TCF4: variants seen among roughly 807,000 people sequenced by gnomAD.
TCF4 encodes SL3-3 enhancer factor 2.
A neutral mutation model predicts 82.1 loss-of-function variants in TCF4; 3 were observed. The ratio of observed to expected loss-of-function variants is 0.04; its 90% CI spans 0.02 to 0.09. The LOEUF (loss-of-function observed/expected upper bound fraction) is 0.09, where lower values mean the gene tolerates loss of function less well. Among genes scored for constraint, TCF4 ranks in the 10% least tolerant of loss-of-function variants. TCF4 has a pLI of 1.00. For synonymous variants in TCF4, 276 were observed against 309.6 expected, an observed-to-expected ratio of 0.89 and a Z score of 1.14; for missense variants, 518 against 852.7, an observed-to-expected ratio of 0.61 and a Z score of 4.89.
intron 5 of TCF4, among the ~76,000 whole-genome samples, chr18:55,432,716 G>A (rs1444092618): frequency 5.9e-5 from 9 of 152,212 alleles, no homozygotes; most frequent in Non-Finnish European, 1.3e-4. Context: ...TTGCTTCTAA[G>A]TGCTTTCCTA....
chr18:55,612,834 G>A (rs996511903), intron 2 of TCF4, among the ~76,000 whole-genome samples: 5 of 152,102 alleles, frequency 3.3e-5, no homozygotes, highest in Non-Finnish European at 7.3e-5. Flanking sequence ...TGTAATCCCA[G>A]CTACTAGGGA....
At chr18:55,253,046 G>A (rs1156345667) in intron 15 of TCF4, among the ~76,000 whole-genome samples, 1 of 152,004 alleles carries the variant, frequency 6.6e-6, no homozygotes, top group East Asian at 1.9e-4. Context: ...GAGGTCAAGG[G>A]AAAGAAAAAA....
upstream of TCF4, among the ~76,000 whole-genome samples, chr18:55,592,970 C>G (rs949439088): frequency 1.3e-5 from 2 of 152,168 alleles, no homozygotes; most frequent in African/African-American, 2.4e-5. Flanking sequence ...TGCAATGTTC[C>G]CCTTCCCCAG....
At chr18:55,541,669 C>A (rs1206216516) in intron 3 of TCF4, among the ~76,000 whole-genome samples, 1 of 151,894 alleles carries the variant, frequency 6.6e-6, no homozygotes, top group East Asian at 1.9e-4. Flanking sequence ...AGAACCTTTG[C>A]TACAAAACTG....
intron 3 of TCF4, among the ~76,000 whole-genome samples, chr18:55,582,539 C>A (rs1164773575): frequency 6.6e-6 from 1 of 152,102 alleles, no homozygotes; most frequent in Non-Finnish European, 1.5e-5. Flanking sequence ...GGCTGTAGCT[C>A]AGGTTACATT....
intron 2 of TCF4, among the ~76,000 whole-genome samples, chr18:55,625,288 G>A (rs920032408): frequency 9.9e-5 from 15 of 151,100 alleles, no homozygotes; most frequent in Non-Finnish European, 1.5e-4. Context: ...GCCCAGGCTG[G>A]AGTGCAGTGG....
intron 5 of TCF4, among the ~76,000 whole-genome samples, chr18:55,427,235 C>T (rs1191137226): frequency 6.6e-6 from 1 of 152,048 alleles, no homozygotes; most frequent in African/African-American, 2.4e-5. Flanking sequence ...ATACTCCATT[C>T]CTTAAAGAAG....
chr18:55,525,985 C>T (rs2096979464), intron 3 of TCF4, among the ~76,000 whole-genome samples: 1 of 152,208 alleles, frequency 6.6e-6, no homozygotes, highest in African/African-American at 2.4e-5. Context: ...CTTGAGCTGC[C>T]AGTCTCTATT....
chr18:55,361,110 T>C (rs1261945140), intron 6 of TCF4, among the ~76,000 whole-genome samples: 1 of 152,174 alleles, frequency 6.6e-6, no homozygotes, highest in Non-Finnish European at 1.5e-5. Context: ...ATGAGATTTA[T>C]GGATGCTATC....
intron 3 of TCF4, among the ~76,000 whole-genome samples, chr18:55,540,930 C>T (rs2097160014): frequency 6.6e-6 from 1 of 151,772 alleles, no homozygotes; most frequent in South Asian, 2.1e-4. Context: ...GAAAAATATA[C>T]AACAAAACAA....
intron 3 of TCF4, among the ~76,000 whole-genome samples, chr18:55,543,010 C>T (rs1327314305): frequency 6.6e-6 from 1 of 152,038 alleles, no homozygotes; most frequent in Non-Finnish European, 1.5e-5. Context: ...CATATATTCT[C>T]CTTTTAGATC....
Position 55,458,859 on chromosome 18 carries a change from C to T in TCF4, c.304+2160G>A, listed in dbSNP as rs1342499333. 2.6e-5 allele frequency among the ~76,000 whole-genome samples: 4 copies of T among 152,108 alleles called. No homozygotes were observed. In the East Asian group the frequency reaches 5.8e-4, roughly 22 times the overall value. ...TTTTCCATTTTTTTTGCATACCGCG[C>T]AATACCCTCTCGCTCTGAGGGTGAC... On this transcript the variant is annotated intron_variant, in intron 5 of 19. Coordinates refer to ENST00000354452, the MANE Select transcript of TCF4 (RefSeq NM_001083962.2).
At chr18:55,499,426 G>A (rs1284538072) in intron 3 of TCF4, among the ~76,000 whole-genome samples, 1 of 152,158 alleles carries the variant, frequency 6.6e-6, no homozygotes, top group African/African-American at 2.4e-5. Flanking sequence ...GTGTGGCTAG[G>A]GAGGCACAGT....
At chr18:55,293,337 A>C (rs1391762429) in intron 8 of TCF4, among the ~76,000 whole-genome samples, 1 of 152,172 alleles carries the variant, frequency 6.6e-6, no homozygotes, top group Non-Finnish European at 1.5e-5. Flanking sequence ...AGCTATTATT[A>C]GGAGAGGAGG....
At chr18:55,364,432 C>T (rs77352852) in intron 6 of TCF4, among the ~76,000 whole-genome samples, 1 of 152,186 alleles carries the variant, frequency 6.6e-6, no homozygotes, top group African/African-American at 2.4e-5. Context: ...TTTAACCATT[C>T]CCTACAATTC....
intron 3 of TCF4, among the ~76,000 whole-genome samples, chr18:55,548,046 G>A (rs2097221650): frequency 6.6e-6 from 1 of 152,204 alleles, no homozygotes; most frequent in African/African-American, 2.4e-5. Flanking sequence ...ACTCCGCTCA[G>A]TAATCTGAAC....
intron 3 of TCF4, among the ~76,000 whole-genome samples, chr18:55,480,040 T>C (rs768264532): frequency 1.1e-4 from 17 of 152,100 alleles, no homozygotes; most frequent in Non-Finnish European, 2.4e-4. Context: ...GTCTCGTCTG[T>C]CTCAAGAAAA....
intron 6 of TCF4, among the ~76,000 whole-genome samples, chr18:55,372,842 C>T (rs137860794): frequency 1.2e-4 from 19 of 152,118 alleles, no homozygotes; most frequent in African/African-American, 2.4e-4. Flanking sequence ...TAACACTCTC[C>T]GTCATCTTTT....
At chr18:55,540,942 G>T (rs766080066) in intron 3 of TCF4, among the ~76,000 whole-genome samples, 4 of 151,882 alleles carry the variant, frequency 2.6e-5, no homozygotes, top group Admixed American at 2.0e-4. Flanking sequence ...ACAAAACAAA[G>T]AATATATTTT....
Sources: gnomAD v4.1 joint callset for allele counts (sites outside exome capture counted in the v4.1 genomes callset) on GRCh38, gnomAD v4.1.1 for gene constraint, MANE v1.5 for transcripts, NCBI Gene and HGNC (gene_info 2026-07-23, HGNC 2026-07-21) for gene names.